Variants in IGFL2 observed in about 807,000 individuals in gnomAD.
The protein encoded by IGFL2 is IGF like family member 2.
In IGFL2, 7 loss-of-function variants were observed where a neutral mutation model predicts 13.9. The observed-to-expected ratio is 0.51, with a 90% CI of 0.29 to 0.95. IGFL2 has a LOEUF of 0.95. IGFL2 is among the 40% of genes least tolerant of loss of function. The pLI, the probability that IGFL2 is intolerant of heterozygous loss-of-function variation, is 0.08. For missense variants in IGFL2, 138 were observed against 147.8 expected, an observed-to-expected ratio of 0.93 and a Z score of 0.34; for synonymous variants, 55 against 55.8, an observed-to-expected ratio of 0.99 and a Z score of 0.07.
the IGFL2 span, chr19:46,124,544 AAG>A: frequency 3.0e-6 from 4 of 1,338,868 alleles, no homozygotes; most frequent in Admixed American, 6.8e-5. Flanking sequence ...GTTAGAGATA[AAG>A]AGGAATAAAT....
the IGFL2 span, among the ~76,000 whole-genome samples, chr19:46,180,303 C>T: frequency 4.0e-5 from 6 of 151,766 alleles, no homozygotes; most frequent in Admixed American, 1.3e-4. Context: ...CACAGCCTCA[C>T]GAGTAGCTGG....
the IGFL2 span, among the ~76,000 whole-genome samples, chr19:46,109,439 C>CGAG: frequency 6.6e-6 from 1 of 151,944 alleles, no homozygotes; most frequent in Non-Finnish European, 1.5e-5. Context: ...CTCAGCCTCC[C>CGAG]GAGTAGCTGG....
the IGFL2 span, among the ~76,000 whole-genome samples, chr19:46,103,011 A>G: frequency 2.0e-5 from 3 of 152,226 alleles, no homozygotes; most frequent in Admixed American, 2.0e-4. Context: ...GCAGTTTTGT[A>G]TGAATTGAGA....
chr19:46,137,826 A>AT, the IGFL2 span, among the ~76,000 whole-genome samples: 2 of 152,146 alleles, frequency 1.3e-5, no homozygotes, highest in Non-Finnish European at 2.9e-5. Flanking sequence ...AATACTTCTG[A>AT]TTATATTATG....
chr19:46,148,876 G>A (rs1007265609), intron 1 of IGFL2: 1 of 1,534,156 alleles, frequency 6.5e-7, no homozygotes, highest in Non-Finnish European at 8.8e-7. Context: ...GACTAGATCT[G>A]CAATCTGTTG....
chr19:46,180,180 C>CTT, the IGFL2 span, among the ~76,000 whole-genome samples: 224 of 141,172 alleles, frequency 1.6e-3, 3 homozygotes, highest in Non-Finnish European at 2.0e-3. Flanking sequence ...TGATATTTTT[C>CTT]TTTTTTTTTT....
At chr19:46,104,658 G>A in the IGFL2 span, among the ~76,000 whole-genome samples, 2 of 152,158 alleles carry the variant, frequency 1.3e-5, no homozygotes, top group Non-Finnish European at 2.9e-5. Flanking sequence ...TCCTGGACAG[G>A]GGCAAATCCC....
the IGFL2 span, among the ~76,000 whole-genome samples, chr19:46,172,977 G>A: frequency 8.2e-4 from 125 of 152,206 alleles, 2 homozygotes; most frequent in Middle Eastern, 0.017. Flanking sequence ...GTTGATCCTT[G>A]GTATTTATAG....
the IGFL2 span, among the ~76,000 whole-genome samples, chr19:46,173,210 T>A: frequency 6.6e-6 from 1 of 152,216 alleles, no homozygotes; most frequent in Non-Finnish European, 1.5e-5. Flanking sequence ...GTTGTCAACG[T>A]GTCCCCAACA....
chr19:46,193,363 A>G, the IGFL2 span, among the ~76,000 whole-genome samples: 1 of 152,154 alleles, frequency 6.6e-6, no homozygotes, highest in Non-Finnish European at 1.5e-5. Flanking sequence ...AGTAGTCTCC[A>G]GTAGCTGTCT....
At chr19:46,088,051 T>C in the IGFL2 span, among the ~76,000 whole-genome samples, 1 of 152,182 alleles carries the variant, frequency 6.6e-6, no homozygotes, top group Non-Finnish European at 1.5e-5. Context: ...TAGGAATCTG[T>C]GGTAGAAATG....
At chr19:46,140,789 A>C (rs1972825486), upstream of IGFL2, among the ~76,000 whole-genome samples, 1 of 152,170 alleles carries the variant, frequency 6.6e-6, no homozygotes, top group South Asian at 2.1e-4. Context: ...GAATTCCTGG[A>C]GGCTCAGGGT....
At position 46,161,252 on chromosome 19, in the gene IGFL2, G is replaced by A; in HGVS notation, c.*164G>A. 1 of 552,424 alleles carries A rather than the reference G, an allele frequency of 1.8e-6. No individual in the cohort carries two copies. The allele number at this position is 552,424 out of a possible 1,614,324, so 34.2% of individuals were successfully genotyped here. A position where few individuals can be genotyped will look rare whatever the true frequency, so the allele number is the denominator to read the frequency against. ...TGATGGGACATGGAGAATGACAGTA[G>A]ATTATCAGGAAATAAATAAAGTGGT... On this transcript the variant is annotated 3_prime_UTR_variant, in exon 4 of 4. Transcript: ENST00000377693.
At chr19:46,111,812 A>C in the IGFL2 span, 2 of 152,242 alleles carry the variant, frequency 1.3e-5, no homozygotes, top group East Asian at 3.8e-4. Flanking sequence ...CAATTGAACC[A>C]CTGACTAACA....
At chr19:46,177,600 CAAG>C in the IGFL2 span, among the ~76,000 whole-genome samples, 82 of 152,230 alleles carry the variant, frequency 5.4e-4, no homozygotes, top group Non-Finnish European at 1.1e-3. Context: ...CCAAGGTAGT[CAAG>C]AGCCCCAACA....
the IGFL2 span, among the ~76,000 whole-genome samples, chr19:46,177,083 A>G: frequency 1.3e-5 from 2 of 151,924 alleles, no homozygotes; most frequent in East Asian, 3.9e-4. Flanking sequence ...GGATTGTTTC[A>G]AAAGATCTGT....
At chr19:46,179,221 C>T in the IGFL2 span, among the ~76,000 whole-genome samples, 1 of 134,132 alleles carries the variant, frequency 7.5e-6, no homozygotes, top group Non-Finnish European at 1.6e-5. Flanking sequence ...CAGAGCTGGT[C>T]ATGGGGTGGG....
At chr19:46,168,162 T>C in the IGFL2 span, among the ~76,000 whole-genome samples, 1 of 152,182 alleles carries the variant, frequency 6.6e-6, no homozygotes, top group Non-Finnish European at 1.5e-5. Context: ...CTCAAACTCC[T>C]GGCCTCAAAT....
the IGFL2 span, chr19:46,210,211 G>T: frequency 1.3e-5 from 2 of 152,186 alleles, no homozygotes; most frequent in Non-Finnish European, 2.9e-5. Context: ...CATCCACGGT[G>T]CTATCGGGAG....
Sources: gnomAD v4.1 joint callset for allele counts (sites outside exome capture counted in the v4.1 genomes callset) on GRCh38, gnomAD v4.1.1 for gene constraint, MANE v1.5 for transcripts, NCBI Gene and HGNC (gene_info 2026-07-23, HGNC 2026-07-21) for gene names.